USP10: variants seen among roughly 807,000 people sequenced by gnomAD.
The protein encoded by USP10 is ubiquitin specific peptidase 10.
A neutral mutation model predicts 84.5 loss-of-function variants in USP10; 22 were observed. That is an observed-to-expected ratio of 0.26 (90% CI 0.19 to 0.37). The LOEUF (loss-of-function observed/expected upper bound fraction) is 0.37. Ranked by LOEUF, USP10 falls within the 10% of genes least tolerant of loss-of-function variation. The probability of loss-of-function intolerance (pLI) is 1.00; values close to 1 mark genes in which losing one functional copy is unlikely to be tolerated. For synonymous variants in USP10, 454 were observed against 387.6 expected, an observed-to-expected ratio of 1.17 and a Z score of -2.01; for missense variants, 1,019 against 998.9, an observed-to-expected ratio of 1.02 and a Z score of -0.27.
intron 9 of USP10, 45 bp from the exon 10 acceptor site, chr16:84,764,041 G>C (rs1273069422): frequency 6.6e-7 from 1 of 1,523,958 alleles, no homozygotes; most frequent in Non-Finnish European, 8.8e-7. Context: ...TTTTTTTGCT[G>C]TTCTTGTCGT....
intron 1 of USP10, among the ~76,000 whole-genome samples, chr16:84,702,321 T>C (rs952209738): frequency 2.6e-5 from 4 of 152,062 alleles, no homozygotes; most frequent in African/African-American, 9.7e-5. Flanking sequence ...CCTCTCAAAG[T>C]GCTGGGATTA....
At position 84,764,117 on chromosome 16, in the gene USP10, C is replaced by T. The variant is rs758033700; in HGVS notation, c.1686C>T (p.His562=). The T allele has an allele frequency of 3.7e-6, 6 of 1,613,684 alleles. No homozygotes were observed. In the South Asian group the frequency reaches 5.5e-5, roughly 15 times the overall value. The change falls in exon 10 of 14, where the codon CAC becomes CAT. Residue 562 remains histidine (H), a synonymous_variant. Transcript: ENST00000219473. ...CGATTTCCAACGGCCCCAAAAACCACTCGGTCAATGAAGAAGAGCAGGAAG... is the reference window on the plus strand; with the variant it reads ...CGATTTCCAACGGCCCCAAAAACCATTCGGTCAATGAAGAAGAGCAGGAAG... The part of the protein sequence containing the change: ...KLTISNGPKN[H]SVNEEEQEEQ...
rs560984942 is a variant in USP10 at position 84,741,052 on chromosome 16, C to A, written c.151+683C>A. On this transcript the variant is annotated intron_variant, in intron 3 of 13. Transcript: ENST00000219473. ...TTCAATCTGAATCACTTTAAAGGCCCTTACTGGCCTCCAGGAAACTGATGC... is the reference window on the plus strand; with the variant it reads ...TTCAATCTGAATCACTTTAAAGGCCATTACTGGCCTCCAGGAAACTGATGC... Among the ~76,000 whole-genome samples, 24 of 152,336 alleles carry A rather than the reference C, an allele frequency of 1.6e-4. No homozygotes were observed. In the South Asian group the frequency reaches 4.3e-3, roughly 28 times the overall value.
At chr16:84,716,800 T>TA (rs1907078486) in intron 1 of USP10, among the ~76,000 whole-genome samples, 1 of 152,202 alleles carries the variant, frequency 6.6e-6, no homozygotes, top group East Asian at 1.9e-4. Context: ...ATATACACCT[T>TA]ACAATTACAT....
At chr16:84,706,610 G>T (rs547291399) in intron 1 of USP10, among the ~76,000 whole-genome samples, 1 of 150,802 alleles carries the variant, frequency 6.6e-6, no homozygotes, top group East Asian at 1.9e-4. Flanking sequence ...GCGCAATCTC[G>T]GCTCACTGCA....
rs763230809 is a variant in USP10, at chr16:84,745,653, C to G, written c.1172C>G (p.Pro391Arg). The G allele has an allele frequency of 1.9e-6, 3 of 1,610,620 alleles. No homozygotes were observed. Among genetic ancestry groups the G allele is most frequent in the Admixed American group, 1.7e-5 (1 of 59,658 alleles). The change falls in exon 4 of 14, where the codon CCT becomes CGT. Residue 391 changes from proline (P) to arginine (R), a missense_variant. Around this residue, in one of 2 missense-constraint regions of USP10, gnomAD observed 787 missense variants for 708.8 expected, o/e 1.11. Transcript: ENST00000219473. ...GGGCTTGTTCCGGTTTCAGAGGATC[C>G]TGTAGCCATAAAGATTGCAGGTATA... is the stretch of plus-strand genomic sequence containing the variant. ...KEGLVPVSEDPVAIKIAELLE... is the reference protein window; with the variant it reads ...KEGLVPVSEDRVAIKIAELLE...
intron 2 of USP10, among the ~76,000 whole-genome samples, chr16:84,735,733 C>T (rs1909849359): frequency 1.3e-5 from 2 of 152,068 alleles, no homozygotes; most frequent in Admixed American, 1.3e-4. Flanking sequence ...CTTCAGAACT[C>T]GTAGTGTGTG....
chr16:84,745,780 T>A, intron 4 of USP10, 107 bp downstream of exon 4: 1 of 1,173,794 alleles, frequency 8.5e-7, no homozygotes, highest in Non-Finnish European at 1.2e-6. Flanking sequence ...ACCTGTGTGT[T>A]AATAGCAACG....
intron 13 of USP10, among the ~76,000 whole-genome samples, chr16:84,776,473 G>A (rs1019891006): frequency 1.3e-5 from 2 of 152,214 alleles, no homozygotes; most frequent in Non-Finnish European, 2.9e-5. Context: ...CAGATGGGAC[G>A]GCCATGGGCA....
In USP10 at chr16:84,745,216, C is replaced by T. The variant is rs1240496582; in HGVS notation, c.735C>T (p.Gly245=). The change falls in exon 4 of 14, where the codon GGC becomes GGT. Residue 245 remains glycine, a synonymous_variant. Coordinates refer to ENST00000219473, the MANE Select transcript of USP10 (RefSeq NM_005153.3). Reference sequence around the variant, plus strand: ...GGACTGCAGGGCAGCCAGAGGGGGGCCCCGGGGCTGATTTTGGTCAGTCCT... The same window carrying T: ...GGACTGCAGGGCAGCCAGAGGGGGGTCCCGGGGCTGATTTTGGTCAGTCCT... ...DTRTAGQPEG[G]PGADFGQSCF... The T allele has an allele frequency of 1.2e-6, 2 of 1,613,078 alleles. No homozygotes were observed. The highest frequency in any genetic ancestry group is 1.7e-4 in the Middle Eastern group (1 of 6,050).
At chr16:84,714,528 C>T (rs934345307) in intron 1 of USP10, among the ~76,000 whole-genome samples, 1 of 151,856 alleles carries the variant, frequency 6.6e-6, no homozygotes, top group African/African-American at 2.4e-5. Flanking sequence ...AAATATTTTC[C>T]TTTGCGATTG....
intron 11 of USP10, among the ~76,000 whole-genome samples, chr16:84,770,217 C>G (rs574034942): frequency 6.6e-6 from 1 of 152,120 alleles, no homozygotes; most frequent in South Asian, 2.1e-4. Context: ...TGGTGTGTTA[C>G]CAGATGAGGC....
chr16:84,769,021 A>G (rs185274095), intron 11 of USP10, among the ~76,000 whole-genome samples: 2 of 152,148 alleles, frequency 1.3e-5, no homozygotes, highest in Admixed American at 6.5e-5. Context: ...GCTTATAGCT[A>G]TTTTGTACTC....
chr16:84,711,492 C>T (rs972083414), intron 1 of USP10, among the ~76,000 whole-genome samples: 9 of 152,178 alleles, frequency 5.9e-5, no homozygotes, highest in Admixed American at 5.9e-4. Context: ...AATTTACCAT[C>T]GGGAATTCCT....
At chr16:84,711,908 C>T (rs1402965937) in intron 1 of USP10, among the ~76,000 whole-genome samples, 5 of 151,832 alleles carry the variant, frequency 3.3e-5, no homozygotes, top group Admixed American at 6.6e-5. Flanking sequence ...TTAGCAGAGA[C>T]GGGGTTTCAC....
chr16:84,768,592 G>A (rs941720839), intron 11 of USP10, among the ~76,000 whole-genome samples: 1 of 152,122 alleles, frequency 6.6e-6, no homozygotes, highest in African/African-American at 2.4e-5. Context: ...CTTTTGGATT[G>A]TTTATCTTGA....
intron 3 of USP10, among the ~76,000 whole-genome samples, chr16:84,744,241 A>T (rs1422966452): frequency 2.0e-5 from 3 of 152,204 alleles, no homozygotes; most frequent in Non-Finnish European, 4.4e-5. Context: ...AGTTGTCATG[A>T]TCTTTTAAAA....
intron 11 of USP10, among the ~76,000 whole-genome samples, chr16:84,769,037 CAG>C (rs1437582850): frequency 6.6e-6 from 1 of 152,154 alleles, no homozygotes; most frequent in African/African-American, 2.4e-5. Flanking sequence ...TACTCTGCAG[CAG>C]AGAGTGTCTT....
intron 1 of USP10, among the ~76,000 whole-genome samples, chr16:84,712,377 C>G (rs1906426965): frequency 6.6e-6 from 1 of 152,154 alleles, no homozygotes; most frequent in Non-Finnish European, 1.5e-5. Context: ...GCTGCTCTTT[C>G]GGGTCAGGAA....
Sources: allele counts gnomAD v4.1 joint callset (sites outside exome capture counted in the v4.1 genomes callset), GRCh38; gene constraint gnomAD v4.1.1; regional missense constraint gnomAD v4.1.1; transcripts MANE v1.5; gene names NCBI Gene and HGNC (gene_info 2026-07-23, HGNC 2026-07-21).